The following ZNF385B variants were observed in gnomAD, a reference collection of about 807,000 sequenced individuals.
ZNF385B encodes the protein zinc finger protein 385B.
In ZNF385B, 23 loss-of-function variants were observed where a neutral mutation model predicts 39.2. The observed-to-expected ratio is 0.59, with a 90% CI of 0.42 to 0.83. The LOEUF is 0.83. Among genes scored for constraint, ZNF385B ranks in the 40% least tolerant of loss-of-function variants. The pLI, the probability that ZNF385B is intolerant of heterozygous loss-of-function variation, is 0.00. For synonymous variants in ZNF385B, 205 were observed against 222.6 expected, an observed-to-expected ratio of 0.92 and a Z score of 0.70; for missense variants, 552 against 598.9, an observed-to-expected ratio of 0.92 and a Z score of 0.82.
intron 9 of ZNF385B, 149 bp from the exon 10 acceptor site, chr2:179,443,617 C>T: frequency 1.4e-6 from 1 of 694,634 alleles, no homozygotes. Flanking sequence ...TCATTATTTT[C>T]ACAATGCTGG....
At chr2:179,859,540 C>T (rs1263952463) in intron 1 of ZNF385B, among the ~76,000 whole-genome samples, 1 of 152,164 alleles carries the variant, frequency 6.6e-6, no homozygotes, top group Non-Finnish European at 1.5e-5. Flanking sequence ...AATTCACCTT[C>T]CCCAAAGCAT....
rs2049391792 is a variant in ZNF385B at position 179,445,585 on chromosome 2, C to T, written c.1105G>A (p.Asp369Asn). Residue 369 changes from aspartate to asparagine, a missense_variant, in exon 8 of 10, where the codon GAT becomes AAT. Asp to Asn is a conservative substitution (Grantham distance 23). Transcript: ENST00000410066. Reference sequence around the variant, plus strand: ...TGAATTTCTGAATTAACATGAACATCACAGATTTCACAATGAAATGTCTTG... The same window carrying T: ...TGAATTTCTGAATTAACATGAACATTACAGATTTCACAATGAAATGTCTTG... ...QNKTFHCEIC[D>N]VHVNSEIQLK... 1 of 1,612,090 alleles carries T rather than the reference C, an allele frequency of 6.2e-7. No individual in the cohort carries two copies.
At position 179,769,491 on chromosome 2, in the gene ZNF385B, C is replaced by T; in HGVS notation, c.298+12G>A. On this transcript the variant is annotated intron_variant, in intron 3 of 9. Transcript: ENST00000410066. ...CCCCGCAGCACATGGAACCCGGGAC[C>T]CTGCCTCCTACCTGTGCTGCTGTTG... 1 of 1,612,744 alleles carries T rather than the reference C, an allele frequency of 6.2e-7. No individual in the cohort carries two copies. The highest frequency in any genetic ancestry group is 8.5e-7 in the Non-Finnish European group (1 of 1,179,492).
chr2:179,493,492 C>CAT (rs146937321), intron 5 of ZNF385B, among the ~76,000 whole-genome samples: 122,637 of 149,430 alleles, frequency 0.82, 50,706 homozygotes, highest in East Asian at 0.92. Context: ...TATGTATAAA[C>CAT]GTGTGTGTAC....
intron 3 of ZNF385B, among the ~76,000 whole-genome samples, chr2:179,726,662 A>G (rs1041753467): frequency 9.2e-5 from 14 of 152,074 alleles, no homozygotes; most frequent in Non-Finnish European, 1.9e-4. Flanking sequence ...ATCATTTCAC[A>G]TTGACAAAGT....
At chr2:179,559,066 C>T (rs949039020) in intron 3 of ZNF385B, among the ~76,000 whole-genome samples, 3 of 152,146 alleles carry the variant, frequency 2.0e-5, no homozygotes, top group African/African-American at 4.8e-5. Flanking sequence ...AGAATTAGTA[C>T]GAATTTCTTG....
intron 3 of ZNF385B, among the ~76,000 whole-genome samples, chr2:179,731,742 G>A (rs991542678): frequency 2.0e-5 from 3 of 152,196 alleles, no homozygotes; most frequent in African/African-American, 7.2e-5. Flanking sequence ...AGCTGTGATT[G>A]TGCCATGGCA....
chr2:179,757,629 C>T (rs1703124816), intron 3 of ZNF385B, among the ~76,000 whole-genome samples: 1 of 152,182 alleles, frequency 6.6e-6, no homozygotes, highest in Non-Finnish European at 1.5e-5. Context: ...GCTTCCTGGC[C>T]ACTTTGTTTA....
At chr2:179,659,881 A>T (rs1694263292) in intron 3 of ZNF385B, among the ~76,000 whole-genome samples, 1 of 152,198 alleles carries the variant, frequency 6.6e-6, no homozygotes, top group Non-Finnish European at 1.5e-5. Context: ...TCTTTAACTT[A>T]TATACACATT....
At chr2:179,604,875 G>C (rs1279352659) in intron 3 of ZNF385B, among the ~76,000 whole-genome samples, 1 of 151,982 alleles carries the variant, frequency 6.6e-6, no homozygotes, top group Non-Finnish European at 1.5e-5. Context: ...CTGAATCCAA[G>C]AACATTTTAT....
At chr2:179,750,126 T>A (rs543450744) in intron 3 of ZNF385B, among the ~76,000 whole-genome samples, 1 of 152,158 alleles carries the variant, frequency 6.6e-6, no homozygotes, top group Non-Finnish European at 1.5e-5. Flanking sequence ...CTTTGCCAAG[T>A]CTATGTCAGG....
chr2:179,516,354 T>C (rs1197703303), intron 5 of ZNF385B, among the ~76,000 whole-genome samples: 5 of 152,134 alleles, frequency 3.3e-5, no homozygotes, highest in Admixed American at 2.6e-4. Flanking sequence ...TATTAATAAT[T>C]GCTAAATTGT....
chr2:179,800,864 A>T (rs1161449165), intron 1 of ZNF385B, among the ~76,000 whole-genome samples: 1 of 152,156 alleles, frequency 6.6e-6, no homozygotes, highest in East Asian at 1.9e-4. Flanking sequence ...ACTTCAGCTT[A>T]TATCTCTTAA....
At chr2:179,560,765 G>A (rs1335040678) in intron 3 of ZNF385B, among the ~76,000 whole-genome samples, 1 of 151,922 alleles carries the variant, frequency 6.6e-6, no homozygotes, top group East Asian at 1.9e-4. Context: ...ATACTTCCAG[G>A]GAACTAGAAA....
At chr2:179,503,752 T>G (rs2056973445) in intron 5 of ZNF385B, among the ~76,000 whole-genome samples, 1 of 151,722 alleles carries the variant, frequency 6.6e-6, no homozygotes, top group Admixed American at 6.6e-5. Context: ...CTTGTGATAG[T>G]TTGCTGAGAA....
chr2:179,732,967 A>G (rs1352328455), intron 3 of ZNF385B, among the ~76,000 whole-genome samples: 1 of 152,186 alleles, frequency 6.6e-6, no homozygotes, highest in African/African-American at 2.4e-5. Context: ...CATTTCCAAC[A>G]CAAAGCTGAA....
intron 3 of ZNF385B, among the ~76,000 whole-genome samples, chr2:179,602,840 G>A (rs1232643412): frequency 6.6e-6 from 1 of 152,138 alleles, no homozygotes; most frequent in Admixed American, 6.5e-5. Flanking sequence ...TACTTGAAAG[G>A]TACATGCATT....
intron 3 of ZNF385B, among the ~76,000 whole-genome samples, chr2:179,545,890 C>T (rs900643610): frequency 3.9e-5 from 6 of 152,128 alleles, no homozygotes; most frequent in Non-Finnish European, 8.8e-5. Flanking sequence ...CCTTTCTCTG[C>T]ATTACAAACA....
intron 3 of ZNF385B, among the ~76,000 whole-genome samples, chr2:179,736,589 T>C (rs1701771893): frequency 6.6e-6 from 1 of 152,218 alleles, no homozygotes. Flanking sequence ...GTTAACATCA[T>C]TGACTGGTAA....
Sources: gnomAD v4.1 joint callset for allele counts (sites outside exome capture counted in the v4.1 genomes callset) on GRCh38, gnomAD v4.1.1 for gene constraint, MANE v1.5 for transcripts, NCBI Gene and HGNC (gene_info 2026-07-23, HGNC 2026-07-21) for gene names.